SDK1: variants seen among roughly 807,000 people sequenced by gnomAD.
SDK1 encodes the protein sidekick cell adhesion molecule 1, also known as protein sidekick-1.
A neutral mutation model predicts 245.5 loss-of-function variants in SDK1; 157 were observed. That is an observed-to-expected ratio of 0.64 (90% CI 0.56 to 0.73). The LOEUF is 0.73. SDK1 is among the 30% of genes least tolerant of loss of function. The pLI is 0.00. For missense variants in SDK1, 3,583 were observed against 3,002.3 expected, an observed-to-expected ratio of 1.19 and a Z score of -4.52; for synonymous variants, 1,647 against 1,278.5, an observed-to-expected ratio of 1.29 and a Z score of -6.15.
intron 1 of SDK1, among the ~76,000 whole-genome samples, chr7:3,614,098 C>G (rs1436446729): frequency 6.6e-6 from 1 of 152,122 alleles, no homozygotes; most frequent in Non-Finnish European, 1.5e-5. Flanking sequence ...ATGTAACAAA[C>G]CTGCACATCC....
Position 3,487,586 on chromosome 7 carries a change from A to G in SDK1, c.299-131494A>G, listed in dbSNP as rs146224310. 4.0e-4 allele frequency among the ~76,000 whole-genome samples: 61 copies of G among 151,896 alleles called. 1 individual carries two copies. The highest frequency in any genetic ancestry group is 1.4e-3 in the African/African-American group (60 of 41,434). On this transcript the variant is annotated intron_variant, in intron 1 of 44. Transcript: ENST00000404826. ...GTGAAGCCCTGTTACTACAAAACAA[A>G]CAAACAAACACCCAAAAAATTAGCC...
chr7:4,220,511 AGTT>A (rs1785087478), intron 39 of SDK1, among the ~76,000 whole-genome samples: 1 of 96,258 alleles, frequency 1.0e-5, no homozygotes, highest in South Asian at 3.4e-4. Context: ...GTCAAGTTTT[AGTT>A]GTTTTTTTTT....
chr7:3,403,822 T>TAC (rs1218188870), intron 1 of SDK1, among the ~76,000 whole-genome samples: 5,955 of 54,880 alleles, frequency 0.11, 649 homozygotes, highest in African/African-American at 0.3. Context: ...TGAAATATCT[T>TAC]ACATATATAT....
At chr7:4,225,235 G>A (rs1328203367) in intron 40 of SDK1, among the ~76,000 whole-genome samples, 1 of 152,046 alleles carries the variant, frequency 6.6e-6, no homozygotes, top group East Asian at 1.9e-4. Flanking sequence ...GGGACACTGG[G>A]TAAAGGATAC....
At chr7:3,477,677 C>G (rs1217190836) in intron 1 of SDK1, among the ~76,000 whole-genome samples, 2 of 151,928 alleles carry the variant, frequency 1.3e-5, no homozygotes, top group Admixed American at 6.6e-5. Context: ...CCACACCCAG[C>G]TAATTTTTAA....
intron 1 of SDK1, among the ~76,000 whole-genome samples, chr7:3,441,532 A>T (rs1780197308): frequency 6.6e-6 from 1 of 152,032 alleles, no homozygotes; most frequent in South Asian, 2.1e-4. Context: ...GTATGTGTGG[A>T]TCTATTTTTG....
chr7:4,005,070 G>A (rs111492208), intron 14 of SDK1, among the ~76,000 whole-genome samples: 12,907 of 121,292 alleles, frequency 0.11, 748 homozygotes, highest in Admixed American at 0.18. Context: ...TTTTTGAGAC[G>A]GAGTCTTGCT....
intron 5 of SDK1, among the ~76,000 whole-genome samples, chr7:3,905,077 C>G (rs1047068797): frequency 2.2e-4 from 33 of 151,022 alleles, no homozygotes; most frequent in Non-Finnish European, 4.4e-5. Flanking sequence ...TGAATTATAT[C>G]TCAATAAAAA....
chr7:3,765,772 A>AT (rs1010820385), intron 4 of SDK1, among the ~76,000 whole-genome samples: 17 of 152,142 alleles, frequency 1.1e-4, no homozygotes, highest in East Asian at 7.7e-4. Context: ...CATTATATTG[A>AT]TTTTTTTTAA....
At chr7:3,598,471 T>C (rs1231007898) in intron 1 of SDK1, among the ~76,000 whole-genome samples, 2 of 152,294 alleles carry the variant, frequency 1.3e-5, no homozygotes, top group South Asian at 2.1e-4. Context: ...CGTGTACCCA[T>C]GTAGACTCTC....
intron 25 of SDK1, among the ~76,000 whole-genome samples, chr7:4,125,516 G>GGAC (rs1309482489): frequency 6.9e-6 from 1 of 145,888 alleles, no homozygotes; most frequent in Non-Finnish European, 1.5e-5. Context: ...GATGGATGGA[G>GGAC]ATGGATGGAT....
At position 3,950,927 on chromosome 7, in the gene SDK1, T is replaced by C; in HGVS notation, c.852T>C (p.Asp284=). The C allele has an allele frequency of 6.2e-7, 1 of 1,612,442 alleles. No homozygotes were observed. The highest frequency in any genetic ancestry group is 8.5e-7 in the Non-Finnish European group (1 of 1,178,566). ...TTTCTCTTTTCTCTGCCACAGGAGA[T>C]GTTGGCACACCTGAAACCATGGCCC... is the stretch of plus-strand genomic sequence containing the variant. The part of the protein sequence containing the change: ...SPFIHLSIAR[D]VGTPETMAPT... The change falls in exon 6 of 45, where the codon GAT becomes GAC. Residue 284 remains aspartate (D), a synonymous_variant. Coordinates refer to ENST00000404826, the MANE Select transcript of SDK1 (RefSeq NM_152744.4).
In SDK1 at chr7:4,017,169, A is replaced by G; in HGVS notation, c.2421-2A>G. 3 of 1,605,328 alleles carry G rather than the reference A, an allele frequency of 1.9e-6. No individual in the cohort carries two copies. The highest frequency in any genetic ancestry group is 2.6e-6 in the Non-Finnish European group (3 of 1,175,638). The stretch of plus-strand genomic sequence containing the variant: ...TCGTGATGGGCTTCCTTCGTGGCGC[A>G]GGTACCGCCTGGCTGGCCTTCCCGG... On this transcript the variant is annotated splice_acceptor_variant, in intron 16 of 44. Coordinates refer to ENST00000404826, the MANE Select transcript of SDK1 (RefSeq NM_152744.4). LOFTEE classifies it high-confidence loss of function.
chr7:4,266,869 C>T lies in SDK1; in HGVS notation c.*1485C>T. 1.0e-6 allele frequency: 1 copy of T among 985,532 alleles called. No homozygotes were observed. The highest frequency in any genetic ancestry group is 1.2e-6 in the Non-Finnish European group (1 of 830,014). The allele number at this position is 985,532 out of a possible 1,614,324, so 61.0% of individuals were successfully genotyped here. On this transcript the variant is annotated 3_prime_UTR_variant, in exon 45 of 45. Coordinates refer to ENST00000404826, the MANE Select transcript of SDK1 (RefSeq NM_152744.4). ...GACTCAAGACCACCCTGTCAGTGCC[C>T]CCCAGTGCACGGCAAACGGGCAGGT...
rs573229525 is a variant in SDK1, at chr7:3,949,259, T to C, written c.848-1664T>C. 3.4e-4 allele frequency among the ~76,000 whole-genome samples: 52 copies of C among 152,192 alleles called. 1 individual carries two copies. The highest frequency in any genetic ancestry group is 3.1e-4 in the Non-Finnish European group (21 of 68,042). On this transcript the variant is annotated intron_variant, in intron 5 of 44. Transcript: ENST00000404826. ...ACCCTCACATTATTCAATCAACATATAGATTTTAAAACATTCATTACTTGG... is the reference window on the plus strand; with the variant it reads ...ACCCTCACATTATTCAATCAACATACAGATTTTAAAACATTCATTACTTGG...
chr7:3,507,701 C>T (rs559627462), intron 1 of SDK1, among the ~76,000 whole-genome samples: 1 of 152,298 alleles, frequency 6.6e-6, no homozygotes, highest in African/African-American at 2.4e-5. Context: ...GTGCTGTATG[C>T]AGTAGATTAT....
chr7:3,334,192 G>C (rs1429886906), intron 1 of SDK1, among the ~76,000 whole-genome samples: 1 of 152,174 alleles, frequency 6.6e-6, no homozygotes, highest in Non-Finnish European at 1.5e-5. Context: ...GTAGATTGAA[G>C]TGAGTCAATC....
intron 1 of SDK1, among the ~76,000 whole-genome samples, chr7:3,483,917 AT>A (rs1313813255): frequency 2.0e-5 from 3 of 152,200 alleles, no homozygotes; most frequent in African/African-American, 7.2e-5. Context: ...TTTAAAATTT[AT>A]TTTTAGTTTT....
rs574745957 is a variant in SDK1 at position 3,352,404 on chromosome 7, C to G, written c.298+50520C>G. On this transcript the variant is annotated intron_variant, in intron 1 of 44. Transcript: ENST00000404826. ...AGCTAAATGGGGGAAGAGATCATTCCTGCTGGTAGCAGGGAGGGTGTGCCA... is the reference window on the plus strand; with the variant it reads ...AGCTAAATGGGGGAAGAGATCATTCGTGCTGGTAGCAGGGAGGGTGTGCCA... Among the ~76,000 whole-genome samples, 3 of 152,130 alleles carry G rather than the reference C, an allele frequency of 2.0e-5. No homozygotes were observed. In the South Asian group the frequency reaches 6.2e-4, roughly 32 times the overall value.
Sources: gnomAD v4.1 joint callset for allele counts (sites outside exome capture counted in the v4.1 genomes callset) on GRCh38, gnomAD v4.1.1 for gene constraint, MANE v1.5 for transcripts, NCBI Gene and HGNC (gene_info 2026-07-23, HGNC 2026-07-21) for gene names.